The following PPP1R9A variants were observed in gnomAD, a reference collection of about 807,000 sequenced individuals.
PPP1R9A encodes the protein neurabin-1.
PPP1R9A carries 59 observed loss-of-function variants against 141.9 expected under a neutral mutation model. The ratio of observed to expected loss-of-function variants is 0.42; its 90% CI spans 0.34 to 0.52. The LOEUF (loss-of-function observed/expected upper bound fraction) is 0.52. Among genes scored for constraint, PPP1R9A ranks in the 20% least tolerant of loss-of-function variants. PPP1R9A has a pLI of 0.10. For missense variants in PPP1R9A, 1,444 were observed against 1,611.9 expected (o/e 0.90, Z 1.78); for synonymous variants, 500 against 569.7 (o/e 0.88, Z 1.74).
rs548667015 is a variant in PPP1R9A, at chr7:95,101,585, A to G, written c.1396-9674A>G. The stretch of plus-strand genomic sequence containing the variant: ...CACACACCACCACTGCCCAGAACCC[A>G]TTGGCGAGAATTATTTACATAGCCC... On this transcript the variant is annotated intron_variant, in intron 2 of 19. Coordinates refer to ENST00000433360, the MANE Select transcript of PPP1R9A (RefSeq NM_001166160.2). 3.3e-5 allele frequency among the ~76,000 whole-genome samples: 5 copies of G among 152,294 alleles called. No homozygotes were observed. In the East Asian group the frequency reaches 9.7e-4, roughly 29 times the overall value.
intron 7 of PPP1R9A, among the ~76,000 whole-genome samples, chr7:95,218,875 A>G (rs1793946727): frequency 6.6e-6 from 1 of 152,022 alleles, no homozygotes; most frequent in African/African-American, 2.4e-5. Flanking sequence ...TGCACATGAG[A>G]TGGGTTTCCT....
At chr7:95,255,320 T>C (rs1455650196) in intron 12 of PPP1R9A, among the ~76,000 whole-genome samples, 2 of 152,176 alleles carry the variant, frequency 1.3e-5, no homozygotes, top group African/African-American at 4.8e-5. Flanking sequence ...AGGATCCTTA[T>C]GTTGATACCA....
chr7:95,265,954 G>A (rs893017446), intron 12 of PPP1R9A, among the ~76,000 whole-genome samples: 1 of 152,164 alleles, frequency 6.6e-6, no homozygotes, highest in Non-Finnish European at 1.5e-5. Flanking sequence ...TGTTAAAGCA[G>A]ATACACCAGA....
At chr7:95,057,713 C>A (rs1277648811) in intron 2 of PPP1R9A, among the ~76,000 whole-genome samples, 1 of 152,030 alleles carries the variant, frequency 6.6e-6, no homozygotes, top group African/African-American at 2.4e-5. Flanking sequence ...CATTTTTATT[C>A]CTTGCACTTA....
At chr7:95,098,965 C>G (rs1818402680) in intron 2 of PPP1R9A, among the ~76,000 whole-genome samples, 1 of 152,170 alleles carries the variant, frequency 6.6e-6, no homozygotes, top group Non-Finnish European at 1.5e-5. Flanking sequence ...CTTTGGTGTG[C>G]CCGGCATCCC....
intron 2 of PPP1R9A, among the ~76,000 whole-genome samples, chr7:94,917,791 T>C (rs1462855181): frequency 6.6e-6 from 1 of 152,170 alleles, no homozygotes; most frequent in Non-Finnish European, 1.5e-5. Context: ...TTCATGTACT[T>C]GAAAGATAAG....
chr7:95,059,714 T>A (rs1811966862), intron 2 of PPP1R9A, among the ~76,000 whole-genome samples: 1 of 152,186 alleles, frequency 6.6e-6, no homozygotes, highest in Admixed American at 6.5e-5. Context: ...GACAAAAATT[T>A]TGTGATATAT....
intron 2 of PPP1R9A, among the ~76,000 whole-genome samples, chr7:95,070,790 CT>C (rs1813710206): frequency 6.6e-6 from 1 of 151,352 alleles, no homozygotes; most frequent in East Asian, 1.9e-4. Flanking sequence ...TTATCTAATT[CT>C]ACTTTATAGG....
intron 2 of PPP1R9A, among the ~76,000 whole-genome samples, chr7:94,936,830 A>T (rs1794821480): frequency 6.6e-6 from 1 of 152,128 alleles, no homozygotes; most frequent in Admixed American, 6.6e-5. Flanking sequence ...CCTGGTCATT[A>T]ATTGCTTCCT....
At chr7:95,205,453 T>A (rs1271794496) in intron 7 of PPP1R9A, among the ~76,000 whole-genome samples, 2 of 152,226 alleles carry the variant, frequency 1.3e-5, no homozygotes, top group Non-Finnish European at 2.9e-5. Context: ...AGAGATGTCA[T>A]AGAAACTACC....
At chr7:95,141,585 C>G (rs1194661718) in intron 4 of PPP1R9A, among the ~76,000 whole-genome samples, 2 of 151,884 alleles carry the variant, frequency 1.3e-5, no homozygotes, top group African/African-American at 4.8e-5. Flanking sequence ...ACATTTGGCT[C>G]TCCTGGCCAT....
chr7:94,970,861 A>G lies in PPP1R9A; in HGVS notation c.1395+59353A>G, dbSNP rs567287924. ...TAAGGAAGCATCCTTGAGTAGTGGA[A>G]ATGGGTTTTCTAACCATGGCTTTAG... On this transcript the variant is annotated intron_variant, in intron 2 of 19. Transcript: ENST00000433360. Among the ~76,000 whole-genome samples, 8 of 152,158 alleles carry G rather than the reference A, an allele frequency of 5.3e-5. No individual in the cohort carries two copies. In the South Asian group the frequency reaches 1.7e-3, roughly 32 times the overall value.
intron 4 of PPP1R9A, among the ~76,000 whole-genome samples, chr7:95,137,398 T>C (rs1193455675): frequency 5.7e-5 from 6 of 105,772 alleles, no homozygotes; most frequent in Non-Finnish European, 1.0e-4. Flanking sequence ...TCCATGTCCC[T>C]ACAAAGGACA....
chr7:94,923,366 TTTCCCATGTGGCA>T (rs1793081395), intron 2 of PPP1R9A, among the ~76,000 whole-genome samples: 1 of 152,214 alleles, frequency 6.6e-6, no homozygotes, highest in Non-Finnish European at 1.5e-5. Context: ...ACTTAACCAT[TTTCCCATGTGGCA>T]TAATGTCTTT....
At chr7:95,028,142 A>G (rs1189903823) in intron 2 of PPP1R9A, among the ~76,000 whole-genome samples, 1 of 152,230 alleles carries the variant, frequency 6.6e-6, no homozygotes, top group Non-Finnish European at 1.5e-5. Context: ...GATTATGGAT[A>G]AATGAGTCTT....
At chr7:94,941,655 G>A (rs907213576) in intron 2 of PPP1R9A, among the ~76,000 whole-genome samples, 1 of 151,420 alleles carries the variant, frequency 6.6e-6, no homozygotes, top group Non-Finnish European at 1.5e-5. Context: ...AAAATTAAAA[G>A]CCACTCATAT....
intron 4 of PPP1R9A, among the ~76,000 whole-genome samples, chr7:95,135,134 C>T (rs1159042137): frequency 6.6e-6 from 1 of 152,146 alleles, no homozygotes; most frequent in Non-Finnish European, 1.5e-5. Flanking sequence ...TTATCACACT[C>T]CTGTGTCTCT....
intron 4 of PPP1R9A, among the ~76,000 whole-genome samples, chr7:95,132,540 G>T (rs1451007508): frequency 6.6e-6 from 1 of 152,170 alleles, no homozygotes; most frequent in African/African-American, 2.4e-5. Context: ...AGTGGTGGGT[G>T]AGAAACACAC....
chr7:95,163,271 A>C (rs1317015812), intron 5 of PPP1R9A, among the ~76,000 whole-genome samples: 1 of 152,142 alleles, frequency 6.6e-6, no homozygotes, highest in Non-Finnish European at 1.5e-5. Flanking sequence ...TATTATTTTC[A>C]GCCTTGTACA....
Sources: allele counts gnomAD v4.1 joint callset (sites outside exome capture counted in the v4.1 genomes callset), GRCh38; gene constraint gnomAD v4.1.1; transcripts MANE v1.5; gene names NCBI Gene and HGNC (gene_info 2026-07-23, HGNC 2026-07-21).